The following TMEM242 variants were observed in gnomAD, a reference collection of about 807,000 sequenced individuals.
TMEM242 encodes transmembrane protein 242.
TMEM242 carries 10 observed loss-of-function variants against 18.2 expected under a neutral mutation model. That is an observed-to-expected ratio of 0.55 (90% CI 0.34 to 0.93). The LOEUF is 0.93. Ranked by LOEUF, TMEM242 falls within the 40% of genes least tolerant of loss-of-function variation. TMEM242 has a pLI of 0.02. For synonymous variants in TMEM242, 57 were observed against 69.9 expected (o/e 0.81, Z 0.92); for missense variants, 186 against 175.5 (o/e 1.06, Z -0.34).
chr6:157,299,359 A>C, intron 3 of TMEM242: 1 of 1,042,376 alleles, frequency 9.6e-7, no homozygotes, highest in South Asian at 1.3e-5. Context: ...CAGTTCCTGT[A>C]TCAGAGTTCA....
chr6:157,310,848 G>A (rs1554248478), intron 3 of TMEM242, among the ~76,000 whole-genome samples: 5,778 of 117,670 alleles, frequency 0.049, no homozygotes, highest in East Asian at 0.15. Flanking sequence ...GTGTCCCAGT[G>A]TGCACTCACC....
intron 3 of TMEM242, among the ~76,000 whole-genome samples, chr6:157,306,549 G>A (rs898869164): frequency 1.3e-5 from 2 of 152,126 alleles, no homozygotes; most frequent in African/African-American, 4.8e-5. Context: ...GGGACACACG[G>A]GATGCCTGCA....
intron 3 of TMEM242, among the ~76,000 whole-genome samples, chr6:157,297,807 C>T (rs890126163): frequency 7.9e-5 from 12 of 152,072 alleles, no homozygotes; most frequent in African/African-American, 2.4e-4. Flanking sequence ...TTGAACATAC[C>T]GTATTATTAA....
At chr6:157,310,985 T>C (rs1554248546) in intron 3 of TMEM242, among the ~76,000 whole-genome samples, 1 of 12,290 alleles carries the variant, frequency 8.1e-5, no homozygotes, top group Non-Finnish European at 1.9e-4. Flanking sequence ...TGTCCCAGTA[T>C]GCGCTAACCT....
chr6:157,301,329 T>G (rs879946293), intron 3 of TMEM242, among the ~76,000 whole-genome samples: 1 of 152,146 alleles, frequency 6.6e-6, no homozygotes, highest in Admixed American at 6.5e-5. Flanking sequence ...ATTACTTTTT[T>G]TTTTTTGAGA....
At chr6:157,306,232 G>A (rs1181981159) in intron 3 of TMEM242, among the ~76,000 whole-genome samples, 2 of 152,204 alleles carry the variant, frequency 1.3e-5, no homozygotes, top group Non-Finnish European at 2.9e-5. Context: ...GTCCAGAGAA[G>A]GTGAAGGCCA....
chr6:157,319,625 A>C (rs9654564), intron 2 of TMEM242, among the ~76,000 whole-genome samples: 103,454 of 152,128 alleles, frequency 0.68, 36,780 homozygotes, highest in East Asian at 0.96. Context: ...ACAGCTAAGA[A>C]AATGAGAACA....
intron 3 of TMEM242, among the ~76,000 whole-genome samples, chr6:157,307,857 G>A (rs1236366251): frequency 6.6e-6 from 1 of 152,198 alleles, no homozygotes; most frequent in South Asian, 2.1e-4. Flanking sequence ...AAGTGGAAAC[G>A]AGGCCGAATA....
At chr6:157,300,856 T>A (rs587646348) in intron 3 of TMEM242, among the ~76,000 whole-genome samples, 1 of 152,306 alleles carries the variant, frequency 6.6e-6, no homozygotes. Flanking sequence ...AGTCCTCAAT[T>A]AAAATGAGGA....
intron 3 of TMEM242, chr6:157,299,314 C>T (rs1427853922): frequency 1.6e-5 from 14 of 859,104 alleles, no homozygotes; most frequent in African/African-American, 3.3e-5. Context: ...CTAGCAATCA[C>T]TTGTGGACAT....
intron 3 of TMEM242, among the ~76,000 whole-genome samples, chr6:157,310,583 C>A (rs1050900795): frequency 6.8e-6 from 1 of 147,818 alleles, no homozygotes; most frequent in African/African-American, 2.7e-5. Flanking sequence ...AGTGTGCGCT[C>A]ACCCGGCCTC....
intron 3 of TMEM242, among the ~76,000 whole-genome samples, chr6:157,302,793 C>T (rs1002658786): frequency 6.6e-5 from 10 of 152,164 alleles, no homozygotes; most frequent in East Asian, 5.8e-4. Context: ...CTATTCAAAA[C>T]GCAGTACAGT....
At chr6:157,309,529 C>T (rs1022265630) in intron 3 of TMEM242, among the ~76,000 whole-genome samples, 4 of 152,092 alleles carry the variant, frequency 2.6e-5, no homozygotes, top group South Asian at 4.2e-4. Context: ...GCTGGGACTA[C>T]GGGCACGTGC....
rs782630435 is a variant in TMEM242 at position 157,323,477 on chromosome 6, G to A, written c.23C>T (p.Thr8Ile). The A allele has an allele frequency of 1.9e-6, 3 of 1,613,904 alleles. No individual in the cohort carries two copies. Among genetic ancestry groups the A allele is most frequent in the African/African-American group, 1.3e-5 (1 of 74,954 alleles). Residue 8 changes from threonine to isoleucine, a missense_variant, in exon 1 of 4, where the codon ACT becomes ATT. Coordinates refer to ENST00000400788, the MANE Select transcript of TMEM242 (RefSeq NM_018452.6). ...CTCCAGCCCAGAGGCCGGCTGCCCA[G>A]TTGCAGCGCCCGCTGTCTCCATGTT... METAGAA[T>I]GQPASGLEAP... is the part of the protein sequence containing the mutation.
intron 3 of TMEM242, among the ~76,000 whole-genome samples, chr6:157,311,330 T>C (rs1778075467): frequency 2.2e-5 from 3 of 138,262 alleles, no homozygotes; most frequent in Admixed American, 7.2e-5. Context: ...TCACCTAGCC[T>C]CATCATAGTG....
intron 3 of TMEM242, chr6:157,299,439 CT>C: frequency 7.4e-7 from 1 of 1,345,670 alleles, no homozygotes; most frequent in South Asian, 1.2e-5. Context: ...CCATGCTCTC[CT>C]AGGATCCATC....
intron 3 of TMEM242, among the ~76,000 whole-genome samples, chr6:157,313,415 G>C (rs797033497): frequency 0.011 from 51 of 4,562 alleles, no homozygotes; most frequent in African/African-American, 0.012. Context: ...AGTGTCCAGT[G>C]TGCGCTCACC....
chr6:157,312,729 T>C (rs1209631712), intron 3 of TMEM242, among the ~76,000 whole-genome samples: 39 of 10,474 alleles, frequency 3.7e-3, no homozygotes, highest in East Asian at 8.2e-3. Context: ...CATCTTACTG[T>C]CCCAGTGTGC....
chr6:157,306,368 G>A (rs1554247913), intron 3 of TMEM242, among the ~76,000 whole-genome samples: 1 of 152,218 alleles, frequency 6.6e-6, no homozygotes, highest in African/African-American at 2.4e-5. Flanking sequence ...GGCTGTGGGG[G>A]TCAGGGAAAA....
Sources: gnomAD v4.1 joint callset for allele counts (sites outside exome capture counted in the v4.1 genomes callset) on GRCh38, gnomAD v4.1.1 for gene constraint, MANE v1.5 for transcripts, NCBI Gene and HGNC (gene_info 2026-07-23, HGNC 2026-07-21) for gene names.